The following CPD variants were observed in gnomAD, a reference collection of about 807,000 sequenced individuals.
CPD encodes the protein carboxypeptidase D, also known as metallocarboxypeptidase D.
CPD carries 69 observed loss-of-function variants against 138.3 expected under a neutral mutation model. The observed-to-expected ratio is 0.50, with a 90% CI of 0.41 to 0.61. The LOEUF is 0.61. CPD is among the 20% of genes least tolerant of loss of function. The pLI, the probability that CPD is intolerant of heterozygous loss-of-function variation, is 0.00. For missense variants in CPD, 1,432 were observed against 1,733.3 expected, an observed-to-expected ratio of 0.83 and a Z score of 3.09; for synonymous variants, 651 against 642.1, an observed-to-expected ratio of 1.01 and a Z score of -0.21.
chr17:30,439,462 G>A (rs1298720378), intron 9 of CPD, among the ~76,000 whole-genome samples: 30 of 128,636 alleles, frequency 2.3e-4, no homozygotes, highest in South Asian at 5.3e-4. Context: ...CATTGTGCAG[G>A]TTAGTTACAT....
chr17:30,379,587 TCCGGGGCCAGCGGCCGCGACA>T lies in CPD; in HGVS notation c.608_628del (p.Ser203_Asn210delinsTyr). 6.8e-7 allele frequency: 1 copy of T among 1,473,946 alleles called. No individual in the cohort carries two copies. The highest frequency in any genetic ancestry group is 1.3e-5 in the South Asian group (1 of 76,878). 91.3% of individuals were successfully genotyped at this position (1,473,946 alleles called of 1,614,324 possible). On this transcript the variant is annotated inframe_deletion, in exon 1 of 21. Transcript: ENST00000225719. The surrounding 1 kb of genome is among the most constrained non-coding windows in gnomAD (Gnocchi z 7.0). ...CTGTGGCTTCGGCGACGGCGGCCCG[TCCGGGGCCAGCGGCCGCGACA>T]ATAGTCGCGGCCGCGACCTCAACCG...
chr17:30,409,224 A>G (rs1461319339), intron 2 of CPD, among the ~76,000 whole-genome samples: 1 of 152,188 alleles, frequency 6.6e-6, no homozygotes, highest in East Asian at 1.9e-4. Context: ...ATCGTGGTGG[A>G]TAAGCTTTTT....
chr17:30,391,410 A>G (rs1184548566), intron 2 of CPD, among the ~76,000 whole-genome samples: 1 of 152,210 alleles, frequency 6.6e-6, no homozygotes, highest in Non-Finnish European at 1.5e-5. Context: ...CAAGAAAACA[A>G]ACAGACAAAA....
chr17:30,442,246 T>A, intron 9 of CPD, 62 bp from the exon 10 acceptor site: 1 of 1,517,292 alleles, frequency 6.6e-7, no homozygotes, highest in Non-Finnish European at 9.0e-7. Context: ...GTTGCTTACC[T>A]TTTGGGATCT....
At position 30,391,176 on chromosome 17, in the gene CPD, T is replaced by C. The variant is rs1054572386; in HGVS notation, c.994+5940T>C. 2.0e-5 allele frequency among the ~76,000 whole-genome samples: 3 copies of C among 147,462 alleles called. No individual in the cohort carries two copies. The East Asian group carries it at 6.0e-4, about 30-fold the overall frequency. On this transcript the variant is annotated intron_variant, in intron 2 of 20. Coordinates refer to ENST00000225719, the MANE Select transcript of CPD (RefSeq NM_001304.5). ...TTTAATCACAGTGCGCTGATTTGTA[T>C]GCCATTTGCCTACCGTTCTTTCTTC...
In CPD at chr17:30,461,317, T is replaced by C; in HGVS notation, c.3630+6T>C. The C allele has an allele frequency of 1.9e-6, 3 of 1,560,348 alleles. No individual in the cohort carries two copies. Among genetic ancestry groups the C allele is most frequent in the Non-Finnish European group, 2.6e-6 (3 of 1,155,360 alleles). ...TTCTTAGTATGTTAGTGGAGGTGAG[T>C]CTTTTCCTTTTAACTAGAGGCAAAC... On this transcript the variant is annotated splice_donor_region_variant and intron_variant, in intron 18 of 20. Coordinates refer to ENST00000225719, the MANE Select transcript of CPD (RefSeq NM_001304.5).
chr17:30,421,852 T>C lies in CPD; in HGVS notation c.1307+19T>C. 1 of 1,554,788 alleles carries C rather than the reference T, an allele frequency of 6.4e-7. No homozygotes were observed. The highest frequency in any genetic ancestry group is 8.9e-7 in the Non-Finnish European group (1 of 1,128,782). ...TAACTGGGTAAGAATTTAAACTATG[T>C]AGACTCTTAGTTAAAATGTCAAGTC... On this transcript the variant is annotated intron_variant, in intron 4 of 20. Coordinates refer to ENST00000225719, the MANE Select transcript of CPD (RefSeq NM_001304.5).
chr17:30,395,216 T>C (rs2143332603), intron 2 of CPD, among the ~76,000 whole-genome samples: 1 of 151,492 alleles, frequency 6.6e-6, no homozygotes, highest in South Asian at 2.1e-4. Context: ...TTTTTTTTTT[T>C]TACCTCTAAA....
intron 12 of CPD, among the ~76,000 whole-genome samples, chr17:30,448,409 G>A (rs1913082228): frequency 6.6e-6 from 1 of 152,078 alleles, no homozygotes; most frequent in African/African-American, 2.4e-5. Flanking sequence ...TTACTTAGTT[G>A]ATTTAATTTT....
At chr17:30,426,900 G>T (rs1408461352) in intron 6 of CPD, among the ~76,000 whole-genome samples, 2 of 152,178 alleles carry the variant, frequency 1.3e-5, no homozygotes, top group Non-Finnish European at 2.9e-5. Context: ...GTGGAGTCTG[G>T]CTGGGCGTGG....
At chr17:30,452,984 C>T (rs1459907095) in intron 14 of CPD, among the ~76,000 whole-genome samples, 1 of 151,972 alleles carries the variant, frequency 6.6e-6, no homozygotes, top group Non-Finnish European at 1.5e-5. Flanking sequence ...GGGAAAGACC[C>T]GCCCCCATGA....
At chr17:30,395,647 G>GTAC (rs1162434167) in intron 2 of CPD, among the ~76,000 whole-genome samples, 1 of 151,242 alleles carries the variant, frequency 6.6e-6, no homozygotes, top group East Asian at 1.9e-4. Flanking sequence ...TAGATCTAAT[G>GTAC]TGTATAAATT....
chr17:30,422,093 G>T (rs1393281088), intron 4 of CPD, among the ~76,000 whole-genome samples: 1 of 152,172 alleles, frequency 6.6e-6, no homozygotes, highest in East Asian at 1.9e-4. Context: ...ATATTCAGCT[G>T]TGTAAAGCAT....
chr17:30,434,794 C>T (rs1236569184), intron 8 of CPD, among the ~76,000 whole-genome samples: 1 of 151,802 alleles, frequency 6.6e-6, no homozygotes, highest in Non-Finnish European at 1.5e-5. Context: ...ACCCTTACCA[C>T]CAAGACAAAT....
At chr17:30,383,081 G>C (rs543671713) in intron 1 of CPD, among the ~76,000 whole-genome samples, 3 of 152,172 alleles carry the variant, frequency 2.0e-5, no homozygotes, top group Non-Finnish European at 4.4e-5. Context: ...AGCTATAGGG[G>C]AGAGGTGGTT....
intron 6 of CPD, 90 bp from the exon 7 acceptor site, chr17:30,427,301 G>A (rs1912441947): frequency 8.7e-7 from 1 of 1,144,668 alleles, no homozygotes; most frequent in East Asian, 2.4e-5. Context: ...GTTCACATTT[G>A]CCTTGAGTTA....
Position 30,465,334 on chromosome 17 carries a change from G to A in CPD, c.*520G>A, listed in dbSNP as rs1350123549. 1 of 156,450 alleles carries A rather than the reference G, an allele frequency of 6.4e-6. No individual in the cohort carries two copies. Among genetic ancestry groups the A allele is most frequent in the African/African-American group, 2.4e-5 (1 of 41,436 alleles). The allele number at this position is 156,450 out of a possible 1,614,324, so 9.7% of individuals were successfully genotyped here. A position where few individuals can be genotyped will look rare whatever the true frequency, so the allele number is the denominator to read the frequency against. On this transcript the variant is annotated 3_prime_UTR_variant, in exon 21 of 21. Coordinates refer to ENST00000225719, the MANE Select transcript of CPD (RefSeq NM_001304.5). ...ATTCAGGTTTAATGGAGGTTGAATT[G>A]ATTTTTAAACACATATAACAGTAGG...
intron 2 of CPD, among the ~76,000 whole-genome samples, chr17:30,402,324 G>T (rs138192091): frequency 1.3e-5 from 2 of 152,108 alleles, no homozygotes. Context: ...TCAGCAATTC[G>T]GGAGGCCAAG....
At chr17:30,405,435 T>G (rs1911778959) in intron 2 of CPD, among the ~76,000 whole-genome samples, 1 of 152,198 alleles carries the variant, frequency 6.6e-6, no homozygotes, top group Non-Finnish European at 1.5e-5. Flanking sequence ...TTTTTTCTTT[T>G]GGCATAGTGA....
Sources: allele counts gnomAD v4.1 joint callset (sites outside exome capture counted in the v4.1 genomes callset), GRCh38; gene constraint gnomAD v4.1.1; non-coding constraint Gnocchi (gnomAD v3.1); transcripts MANE v1.5; gene names NCBI Gene and HGNC (gene_info 2026-07-23, HGNC 2026-07-21).